The following PPP2R1B variants were observed in gnomAD, a reference collection of about 807,000 sequenced individuals.
The protein encoded by PPP2R1B is serine/threonine-protein phosphatase 2A 65 kDa regulatory subunit A beta isoform.
Under a neutral mutation model 72.7 loss-of-function variants are expected in PPP2R1B, and 58 were observed. The observed-to-expected ratio is 0.80, with a 90% CI of 0.65 to 0.99. The LOEUF (loss-of-function observed/expected upper bound fraction) is 0.99, where lower values mean the gene tolerates loss of function less well. PPP2R1B is among the 50% of genes least tolerant of loss of function. The probability of loss-of-function intolerance (pLI) is 0.00; values close to 1 mark genes in which losing one functional copy is unlikely to be tolerated. For missense variants in PPP2R1B, 695 were observed against 733.6 expected (o/e 0.95, Z 0.61); for synonymous variants, 256 against 264.6 (o/e 0.97, Z 0.32).
the PPP2R1B span, among the ~76,000 whole-genome samples, chr11:111,699,923 C>T: frequency 2.0e-5 from 3 of 152,228 alleles, no homozygotes; most frequent in Non-Finnish European, 2.9e-5. Context: ...GCTCACTGTG[C>T]ATGCAATGCT....
chr11:111,733,994 C>A (rs1021796688), downstream of PPP2R1B, among the ~76,000 whole-genome samples: 2 of 152,118 alleles, frequency 1.3e-5, no homozygotes, highest in Non-Finnish European at 2.9e-5. Context: ...CGGCCCCTGG[C>A]GCCCTCTCAG....
intron 5 of PPP2R1B, among the ~76,000 whole-genome samples, chr11:111,756,351 T>G (rs782398966): frequency 6.7e-6 from 1 of 150,290 alleles, no homozygotes; most frequent in Admixed American, 6.6e-5. Flanking sequence ...AGAGTTTCTA[T>G]AAAGGAAATG....
intron 5 of PPP2R1B, among the ~76,000 whole-genome samples, chr11:111,758,605 GA>G (rs1324928308): frequency 1.3e-5 from 2 of 151,832 alleles, no homozygotes; most frequent in Non-Finnish European, 2.9e-5. Flanking sequence ...GAAAAGAAAA[GA>G]AAAGAAAAAG....
intron 10 of PPP2R1B, among the ~76,000 whole-genome samples, chr11:111,749,349 T>C (rs1438663191): frequency 6.6e-6 from 1 of 151,976 alleles, no homozygotes; most frequent in African/African-American, 2.4e-5. Flanking sequence ...AGTGGTGCAA[T>C]GTCAGCTCAC....
In PPP2R1B at chr11:111,737,993, A is replaced by G. The variant is rs1003764188; in HGVS notation, c.*3603T>C. 35 of 1,012,386 alleles carry G rather than the reference A, an allele frequency of 3.5e-5. No individual in the cohort carries two copies. The highest frequency in any genetic ancestry group is 3.8e-5 in the Non-Finnish European group (32 of 845,046). 62.7% of individuals were successfully genotyped at this position (1,012,386 alleles called of 1,614,324 possible). A position where few individuals can be genotyped will look rare whatever the true frequency, so the allele number is the denominator to read the frequency against. ...TCCGGAAGATTTCCATCCCAACTGA[A>G]CGTTATGTAATTTCCTGGAAACAGC... On this transcript the variant is annotated 3_prime_UTR_variant, in exon 15 of 15. Transcript: ENST00000527614.
Position 111,742,663 on chromosome 11 carries a change from T to G in PPP2R1B, c.1557A>C (p.Ala519=), listed in dbSNP as rs1389374058. Residue 519 remains alanine, a splice_region_variant and synonymous_variant, in exon 13 of 15, where the codon GCA becomes GCC. Coordinates refer to ENST00000527614, the MANE Select transcript of PPP2R1B (RefSeq NM_002716.5). ...HRMTTLFCIN[A]LSEACGQEIT... is the part of the protein sequence containing the mutation. ...TTTCCTGACCACAGGCCTCAGACAGTGCCTAGAAAAATAAGTAAGATGGCA... is the reference window on the plus strand; with the variant it reads ...TTTCCTGACCACAGGCCTCAGACAGGGCCTAGAAAAATAAGTAAGATGGCA... 6.3e-7 allele frequency: 1 copy of G among 1,596,010 alleles called. No homozygotes were observed. Among genetic ancestry groups the G allele is most frequent in the Non-Finnish European group, 8.5e-7 (1 of 1,171,464 alleles).
chr11:111,760,865 C>T lies in PPP2R1B; in HGVS notation c.493G>A (p.Val165Ile), dbSNP rs888625399. 2.5e-6 allele frequency: 4 copies of T among 1,614,150 alleles called. No homozygotes were observed. Among genetic ancestry groups the T allele is most frequent in the Non-Finnish European group, 3.4e-6 (4 of 1,180,034 alleles). Reference sequence around the variant, plus strand: ...GCATTTGATGCCCTGGGATAGCAAACGCTGAACAAACCACATGCAGATGTG... The same window carrying T: ...GCATTTGATGCCCTGGGATAGCAAATGCTGAACAAACCACATGCAGATGTG... ...SRTSACGLFS[V>I]CYPRASNAVK... is the part of the protein sequence containing the mutation. The change falls in exon 4 of 15, where the codon GTT becomes ATT. Residue 165 changes from valine (V) to isoleucine (I), a missense_variant. Physicochemically the swap from Val to Ile is conservative, Grantham distance 29. Coordinates refer to ENST00000527614, the MANE Select transcript of PPP2R1B (RefSeq NM_002716.5).
the PPP2R1B span, among the ~76,000 whole-genome samples, chr11:111,698,470 G>C: frequency 3.3e-5 from 5 of 152,122 alleles, no homozygotes; most frequent in African/African-American, 1.2e-4. Context: ...TGGGCCAGGT[G>C]GTGGCTCACA....
chr11:111,705,211 A>G, the PPP2R1B span: 1 of 1,419,112 alleles, frequency 7.0e-7, no homozygotes, highest in Non-Finnish European at 9.2e-7. This position sits in a 1 kb window ranked among gnomAD's most constrained non-coding sequence, Gnocchi z 4.3. Context: ...TTTTCATCTT[A>G]TACACAGGGT....
chr11:111,719,095 C>T, the PPP2R1B span, among the ~76,000 whole-genome samples: 2 of 152,158 alleles, frequency 1.3e-5, no homozygotes, highest in Non-Finnish European at 2.9e-5. Flanking sequence ...GCTTATTAGC[C>T]TCTGCTGGAA....
At chr11:111,731,318 A>C (rs1007143333) in intron 15 of PPP2R1B, among the ~76,000 whole-genome samples, 3 of 152,182 alleles carry the variant, frequency 2.0e-5, no homozygotes, top group Non-Finnish European at 2.9e-5. Flanking sequence ...GGCAAAAGAC[A>C]CTGCTACTTA....
At chr11:111,742,796 G>A in intron 12 of PPP2R1B, 131 bp from the exon 13 acceptor site, 1 of 768,536 alleles carries the variant, frequency 1.3e-6, no homozygotes, top group South Asian at 2.9e-5. Flanking sequence ...AGCTGAGTGG[G>A]GGACACAAGA....
At position 111,761,295 on chromosome 11, in the gene PPP2R1B, C is replaced by T. The variant is rs879974458; in HGVS notation, c.307-244G>A. ...GATGGCAATTCCCAGATGGTGTCTA[C>T]AAATGACACAGTGTAAAAGACTTGA... On this transcript the variant is annotated intron_variant, in intron 3 of 14. Transcript: ENST00000527614. 16 of 634,224 alleles carry T rather than the reference C, an allele frequency of 2.5e-5. No individual in the cohort carries two copies. In the Admixed American group the frequency reaches 3.4e-4, roughly 13 times the overall value. 39.3% of individuals were successfully genotyped at this position (634,224 alleles called of 1,614,324 possible). A position where few individuals can be genotyped will look rare whatever the true frequency, so the allele number is the denominator to read the frequency against.
the PPP2R1B span, among the ~76,000 whole-genome samples, chr11:111,716,567 ACT>A: frequency 6.6e-6 from 1 of 151,988 alleles, no homozygotes; most frequent in Non-Finnish European, 1.5e-5. Context: ...ACAGAGTGAG[ACT>A]CTGTCTCACC....
intron 11 of PPP2R1B, among the ~76,000 whole-genome samples, 160 bp downstream of exon 11, chr11:111,747,794 G>A (rs1001145688): frequency 1.3e-4 from 20 of 152,258 alleles, no homozygotes; most frequent in Middle Eastern, 6.8e-3. Context: ...TGGTAGAAAC[G>A]TCAAATTTAT....
intron 8 of PPP2R1B, among the ~76,000 whole-genome samples, chr11:111,753,942 T>C (rs528919282): frequency 6.6e-5 from 10 of 150,518 alleles, no homozygotes; most frequent in African/African-American, 2.2e-4. Context: ...TTTGAGACAG[T>C]GTCTCACCCT....
chr11:111,747,656 T>C (rs1944751775), intron 11 of PPP2R1B, among the ~76,000 whole-genome samples: 1 of 152,140 alleles, frequency 6.6e-6, no homozygotes, highest in Non-Finnish European at 1.5e-5. Context: ...AAAAAGAGGA[T>C]CTTCAGATAA....
At chr11:111,690,319 A>G in the PPP2R1B span, among the ~76,000 whole-genome samples, 14 of 150,168 alleles carry the variant, frequency 9.3e-5, no homozygotes, top group Non-Finnish European at 1.5e-4. Flanking sequence ...AAGAAGGGGG[A>G]AAACTCCTGC....
At chr11:111,745,963 G>T (rs552454388) in intron 11 of PPP2R1B, among the ~76,000 whole-genome samples, 3 of 152,196 alleles carry the variant, frequency 2.0e-5, no homozygotes, top group Admixed American at 6.5e-5. Flanking sequence ...ATTGGTTCAT[G>T]GAACTCTTGC....
Sources: gnomAD v4.1 joint callset for allele counts (sites outside exome capture counted in the v4.1 genomes callset) on GRCh38, gnomAD v4.1.1 for gene constraint, Gnocchi (gnomAD v3.1) non-coding constraint, MANE v1.5 for transcripts, NCBI Gene and HGNC (gene_info 2026-07-23, HGNC 2026-07-21) for gene names.